Variants in PRKG1 observed in about 807,000 individuals in gnomAD.
The protein encoded by PRKG1 is protein kinase cGMP-dependent 1.
A neutral mutation model predicts 88.1 loss-of-function variants in PRKG1; 35 were observed. The ratio of observed to expected loss-of-function variants is 0.40; its 90% CI spans 0.30 to 0.53. The LOEUF (loss-of-function observed/expected upper bound fraction) is 0.53. Among genes scored for constraint, PRKG1 ranks in the 20% least tolerant of loss-of-function variants. PRKG1 has a pLI of 0.59. For synonymous variants in PRKG1, 303 were observed against 292.5 expected (o/e 1.04, Z -0.37); for missense variants, 540 against 839.8 (o/e 0.64, Z 4.41).
At chr10:51,434,558 T>G (rs1564493272) in intron 2 of PRKG1, among the ~76,000 whole-genome samples, 1 of 152,128 alleles carries the variant, frequency 6.6e-6, no homozygotes, top group Non-Finnish European at 1.5e-5. Context: ...CTGTGGCTCT[T>G]CTTTATGAGA....
intron 2 of PRKG1, among the ~76,000 whole-genome samples, chr10:51,435,021 TA>T (rs199881575): frequency 6.6e-6 from 1 of 152,046 alleles, no homozygotes; most frequent in South Asian, 2.1e-4. Flanking sequence ...TTAATCACCA[TA>T]AAAAAATTTC....
Position 51,074,524 on chromosome 10 carries a change from G to C in PRKG1, c.-67G>C. ...GCGGCGACTTTGGGGAAAGTTGATCGGAGAGGGGAGGAAGCCTCAAGACGC... is the reference window on the plus strand; with the variant it reads ...GCGGCGACTTTGGGGAAAGTTGATCCGAGAGGGGAGGAAGCCTCAAGACGC... On this transcript the variant is annotated 5_prime_UTR_variant, in exon 1 of 18. Transcript: ENST00000373980. The C allele has an allele frequency of 2.6e-6, 4 of 1,540,138 alleles. No homozygotes were observed. Among genetic ancestry groups the C allele is most frequent in the South Asian group, 1.3e-5 (1 of 78,714 alleles).
At chr10:51,692,628 G>T (rs535594542) in intron 3 of PRKG1, among the ~76,000 whole-genome samples, 1 of 151,972 alleles carries the variant, frequency 6.6e-6, no homozygotes, top group Non-Finnish European at 1.5e-5. Flanking sequence ...TGTGTACATC[G>T]CCATACTCAG....
intron 3 of PRKG1, among the ~76,000 whole-genome samples, chr10:51,543,322 T>C (rs1842360284): frequency 6.6e-6 from 1 of 152,192 alleles, no homozygotes; most frequent in African/African-American, 2.4e-5. Context: ...CTCCTTGTTT[T>C]TGTCAGTGAT....
At chr10:51,986,352 A>G (rs1844157135) in intron 5 of PRKG1, among the ~76,000 whole-genome samples, 2 of 152,200 alleles carry the variant, frequency 1.3e-5, no homozygotes, top group Non-Finnish European at 2.9e-5. Context: ...TCTATTGTTC[A>G]GAATAATTAT....
intron 2 of PRKG1, among the ~76,000 whole-genome samples, chr10:51,445,021 G>A (rs529779065): frequency 1.1e-4 from 17 of 152,044 alleles, no homozygotes; most frequent in Non-Finnish European, 2.2e-4. Context: ...GTTCAGCAGA[G>A]CTTTCTGGAA....
intron 5 of PRKG1, among the ~76,000 whole-genome samples, chr10:51,968,416 G>A (rs1285376405): frequency 2.6e-5 from 4 of 152,082 alleles, no homozygotes; most frequent in Non-Finnish European, 5.9e-5. Flanking sequence ...AGAAGAAGAG[G>A]CATAGACACA....
intron 7 of PRKG1, among the ~76,000 whole-genome samples, chr10:52,068,198 G>T (rs1238058630): frequency 4.3e-5 from 2 of 46,564 alleles, no homozygotes; most frequent in Non-Finnish European, 9.6e-5. Context: ...GCGAAACTCC[G>T]TCTCAAAAAA....
At chr10:51,505,737 A>C (rs1841180979) in intron 3 of PRKG1, among the ~76,000 whole-genome samples, 1 of 152,102 alleles carries the variant, frequency 6.6e-6, no homozygotes. Context: ...CATTTCTTCT[A>C]GATTTCTAGT....
intron 2 of PRKG1, among the ~76,000 whole-genome samples, chr10:51,270,849 G>A (rs1839961228): frequency 6.6e-6 from 1 of 152,104 alleles, no homozygotes. Context: ...AGGGAATCTA[G>A]ACTAGGAAGT....
At chr10:51,306,686 G>T (rs924152231) in intron 2 of PRKG1, 7 of 152,140 alleles carry the variant, frequency 4.6e-5, no homozygotes, top group African/African-American at 1.7e-4. Context: ...TAGTCTCATC[G>T]TTCTTCTCTG....
chr10:51,172,538 T>C (rs1837059387), intron 2 of PRKG1, among the ~76,000 whole-genome samples: 1 of 152,026 alleles, frequency 6.6e-6, no homozygotes, highest in Admixed American at 6.6e-5. Flanking sequence ...ATACACCATT[T>C]TGAAAATTGG....
chr10:51,316,339 A>G (rs1366046069), intron 2 of PRKG1, among the ~76,000 whole-genome samples: 1 of 152,218 alleles, frequency 6.6e-6, no homozygotes, highest in Non-Finnish European at 1.5e-5. Context: ...TGGCTTTATT[A>G]CTTTATAGAA....
At chr10:51,320,731 C>A (rs1287886342) in intron 2 of PRKG1, 1 of 152,208 alleles carries the variant, frequency 6.6e-6, no homozygotes, top group Non-Finnish European at 1.5e-5. Context: ...CTCTGTCTCT[C>A]AAATAAATGC....
chr10:51,423,778 G>A (rs146336678), intron 2 of PRKG1, among the ~76,000 whole-genome samples: 54 of 151,996 alleles, frequency 3.6e-4, no homozygotes, highest in African/African-American at 1.2e-3. Flanking sequence ...AGTTCGCAGA[G>A]GTCACTGGAA....
At chr10:52,078,291 A>G (rs1220313110) in intron 7 of PRKG1, among the ~76,000 whole-genome samples, 2 of 152,258 alleles carry the variant, frequency 1.3e-5, no homozygotes, top group Non-Finnish European at 2.9e-5. Context: ...TAATCTTAAA[A>G]TTGATAAAAT....
chr10:51,846,918 TA>T (rs1243553403), intron 4 of PRKG1, among the ~76,000 whole-genome samples: 2 of 152,172 alleles, frequency 1.3e-5, no homozygotes, highest in African/African-American at 4.8e-5. Context: ...TCAGATAGCA[TA>T]AAAATATATA....
chr10:52,203,536 A>C (rs1839731559), intron 9 of PRKG1, among the ~76,000 whole-genome samples: 1 of 152,146 alleles, frequency 6.6e-6, no homozygotes, highest in Non-Finnish European at 1.5e-5. Flanking sequence ...TGTTAGGTTT[A>C]TTTCGTCAAG....
At chr10:51,752,665 C>T (rs998006988) in intron 3 of PRKG1, among the ~76,000 whole-genome samples, 11 of 151,932 alleles carry the variant, frequency 7.2e-5, no homozygotes, top group African/African-American at 2.7e-4. Context: ...TTTGTCGTTA[C>T]CGTTTGTTTT....
Sources: allele counts gnomAD v4.1 joint callset (sites outside exome capture counted in the v4.1 genomes callset), GRCh38; gene constraint gnomAD v4.1.1; transcripts MANE v1.5; gene names NCBI Gene and HGNC (gene_info 2026-07-23, HGNC 2026-07-21).